Variants in ATM observed in about 807,000 individuals in gnomAD.
ATM encodes serine-protein kinase ATM.
A neutral mutation model predicts 387.0 loss-of-function variants in ATM; 308 were observed. The ratio of observed to expected loss-of-function variants is 0.80; its 90% CI spans 0.73 to 0.87. The LOEUF is 0.87. Ranked by LOEUF, ATM falls within the 40% of genes least tolerant of loss-of-function variation. ATM has a pLI of 0.00. For missense variants in ATM, 3,312 were observed against 3,560.9 expected, an observed-to-expected ratio of 0.93 and a Z score of 1.78; for synonymous variants, 1,156 against 1,187.3, an observed-to-expected ratio of 0.97 and a Z score of 0.54.
chr11:108,364,661 T>A (rs918511507), intron 61 of ATM, among the ~76,000 whole-genome samples: 2 of 152,106 alleles, frequency 1.3e-5, no homozygotes, highest in Non-Finnish European at 2.9e-5. Flanking sequence ...AGGAGTGAGG[T>A]CCAAATAGGC....
At chr11:108,236,614 A>G (rs1239512391) in intron 5 of ATM, 1 of 152,150 alleles carries the variant, frequency 6.6e-6, no homozygotes, top group Admixed American at 6.6e-5. Flanking sequence ...TGTAGAAAGG[A>G]TAAGACACAA....
chr11:108,310,615 C>G (rs1565490754), intron 39 of ATM, among the ~76,000 whole-genome samples: 1 of 152,056 alleles, frequency 6.6e-6, no homozygotes, highest in East Asian at 1.9e-4. Context: ...GCATTGAGAA[C>G]TTAATTTAAG....
At position 108,276,347 on chromosome 11, in the gene ATM, G is replaced by A. The variant is rs561066682; in HGVS notation, c.3285-3144G>A. ...AGGAGTTTGTTATTACCCATCTTCCGAAGCCTACTTCTGTCAATTCGTCAA... is the reference window on the plus strand; with the variant it reads ...AGGAGTTTGTTATTACCCATCTTCCAAAGCCTACTTCTGTCAATTCGTCAA... On this transcript the variant is annotated intron_variant, in intron 22 of 62. Coordinates refer to ENST00000675843, the MANE Select transcript of ATM (RefSeq NM_000051.4). Among the ~76,000 whole-genome samples the A allele has an allele frequency of 2.6e-5, 4 of 152,194 alleles. No individual in the cohort carries two copies. In the South Asian group the frequency reaches 6.2e-4, roughly 24 times the overall value.
intron 1 of ATM, chr11:108,225,263 T>A (rs1305707867): frequency 6.6e-6 from 1 of 152,100 alleles, no homozygotes; most frequent in Non-Finnish European, 1.5e-5. Context: ...CCATAAGGAA[T>A]GGAAAAACAA....
chr11:108,236,699 A>G (rs1231207657), intron 5 of ATM, among the ~76,000 whole-genome samples: 8 of 152,240 alleles, frequency 5.3e-5, no homozygotes, highest in Non-Finnish European at 4.4e-5. Flanking sequence ...AATAGAATGC[A>G]TTAGAAGACA....
In ATM at chr11:108,253,901, T is replaced by C. The variant is rs1800055; in HGVS notation, c.1986T>C (p.Phe662=). The stretch of plus-strand genomic sequence containing the variant: ...AGACAACTTTTGACAAGATGGACTT[T>C]TTAACCATTGTGAGAGAATGTGGTA... The part of the protein sequence containing the change: ...FLQTTFDKMD[F]LTIVRECGIE... Residue 662 remains phenylalanine (F), a synonymous_variant, in exon 13 of 63, where the codon TTT becomes TTC. Transcript: ENST00000675843. 1,006 of 1,613,978 alleles carry C rather than the reference T, an allele frequency of 6.2e-4. No individual in the cohort carries two copies. Among genetic ancestry groups the C allele is most frequent in the Non-Finnish European group, 7.7e-4 (903 of 1,179,982 alleles).
At chr11:108,341,025 C>G (rs1591233420) in intron 56 of ATM, among the ~76,000 whole-genome samples, 1 of 151,994 alleles carries the variant, frequency 6.6e-6, no homozygotes, top group East Asian at 1.9e-4. Flanking sequence ...GTTCAGAACC[C>G]CACATGAGTT....
intron 56 of ATM, among the ~76,000 whole-genome samples, chr11:108,338,339 G>C (rs2087086151): frequency 6.6e-6 from 1 of 152,084 alleles, no homozygotes; most frequent in Non-Finnish European, 1.5e-5. Context: ...GTGACAGACC[G>C]AGACTTCTTC....
intron 16 of ATM, among the ~76,000 whole-genome samples, chr11:108,265,500 T>G (rs1201146299): frequency 2.0e-5 from 3 of 152,050 alleles, no homozygotes; most frequent in Middle Eastern, 3.2e-3. Flanking sequence ...GATTAAAGAC[T>G]TAAACATTAG....
chr11:108,309,295 G>T (rs1228123709), intron 38 of ATM, among the ~76,000 whole-genome samples: 1 of 152,104 alleles, frequency 6.6e-6, no homozygotes, highest in Non-Finnish European at 1.5e-5. Context: ...CTTTCCATGG[G>T]GAAATTATTT....
At chr11:108,299,035 A>G (rs1336347755) in intron 33 of ATM, among the ~76,000 whole-genome samples, 1 of 152,186 alleles carries the variant, frequency 6.6e-6, no homozygotes, top group Admixed American at 6.5e-5. Flanking sequence ...CTAAGTACAG[A>G]CCACACTCAA....
rs876659773 is a variant in ATM, at chr11:108,319,973, A to G, written c.6367A>G (p.Ser2123Gly). Residue 2123 changes from serine to glycine, a missense_variant, in exon 44 of 63, where the codon AGT (serine) becomes GGT (glycine). By Grantham distance (56) the Ser-to-Gly change is moderately conservative. Transcript: ENST00000675843. ...TCACAGCAAAGAAGTAGAAGGAACC[A>G]GTTACCATGAATCATTGTACAATGC... is the stretch of plus-strand genomic sequence containing the variant. Reference protein sequence around the residue: ...TSVSKEVEGTSYHESLYNALQ... With the variant: ...TSVSKEVEGTGYHESLYNALQ... The G allele has an allele frequency of 5.0e-6, 8 of 1,611,798 alleles. No individual in the cohort carries two copies. The highest frequency in any genetic ancestry group is 1.3e-5 in the African/African-American group (1 of 74,890).
intron 59 of ATM, among the ~76,000 whole-genome samples, chr11:108,352,953 T>C (rs2089392750): frequency 6.6e-6 from 1 of 151,808 alleles, no homozygotes. Flanking sequence ...GGGAGGGAAA[T>C]AGGTGCAGCC....
intron 45 of ATM, among the ~76,000 whole-genome samples, chr11:108,324,235 T>C (rs1424744330): frequency 6.6e-6 from 1 of 152,122 alleles, no homozygotes; most frequent in Non-Finnish European, 1.5e-5. Flanking sequence ...ATCTAGAGGT[T>C]ACGTGTAATA....
chr11:108,262,825 GT>G (rs2135458833), intron 16 of ATM, among the ~76,000 whole-genome samples: 1 of 147,048 alleles, frequency 6.8e-6, no homozygotes, highest in East Asian at 2.0e-4. Context: ...AAAGGCAGGG[GT>G]TGCAATCCTA....
rs1064793036 is a variant in ATM at position 108,272,722 on chromosome 11, G to T, written c.3154G>T (p.Ala1052Ser). ...LVNCLKTLLE[A>S]DPYSKWAILN... ...TTTAACCACAGTTCTTTTCCCGTAG[G>T]CTGATCCTTATTCAAAATGGGCCAT... Residue 1052 changes from alanine to serine, a missense_variant and splice_region_variant, in exon 22 of 63, where the codon GCT becomes TCT. By Grantham distance (99) the Ala-to-Ser change is moderately conservative. Coordinates refer to ENST00000675843, the MANE Select transcript of ATM (RefSeq NM_000051.4). 6.2e-7 allele frequency: 1 copy of T among 1,613,720 alleles called. No homozygotes were observed. Among genetic ancestry groups the T allele is most frequent in the Non-Finnish European group, 8.5e-7 (1 of 1,179,882 alleles).
intron 7 of ATM, 148 bp from the exon 8 acceptor site, chr11:108,246,816 T>C: frequency 1.7e-6 from 1 of 604,546 alleles, no homozygotes. Context: ...TCAAGGATCT[T>C]GTCAGAAGAG....
chr11:108,286,611 G>T (rs774414563), intron 26 of ATM, among the ~76,000 whole-genome samples: 13 of 152,112 alleles, frequency 8.5e-5, no homozygotes, highest in Non-Finnish European at 1.6e-4. Flanking sequence ...TTTCTTATCT[G>T]CCACAGTAAA....
At chr11:108,236,641 A>T (rs1470729269) in intron 5 of ATM, 1 of 152,260 alleles carries the variant, frequency 6.6e-6, no homozygotes, top group Non-Finnish European at 1.5e-5. Context: ...CCATTGGATG[A>T]GGCAGTTAGC....
Sources: allele counts gnomAD v4.1 joint callset (sites outside exome capture counted in the v4.1 genomes callset), GRCh38; gene constraint gnomAD v4.1.1; transcripts MANE v1.5; gene names NCBI Gene and HGNC (gene_info 2026-07-23, HGNC 2026-07-21).